Variants in USP50 observed in about 807,000 individuals in gnomAD.
The protein encoded by USP50 is ubiquitin carboxyl-terminal hydrolase 50.
A neutral mutation model predicts 39.2 loss-of-function variants in USP50; 37 were observed. The observed-to-expected ratio is 0.94, with a 90% CI of 0.73 to 1.24. The LOEUF (loss-of-function observed/expected upper bound fraction) is 1.24. Among genes scored for constraint, USP50 ranks in the 50% most tolerant of loss-of-function variants. USP50 has a pLI of 0.00. For missense variants in USP50, 374 were observed against 398.2 expected (o/e 0.94, Z 0.52); for synonymous variants, 139 against 144.5 (o/e 0.96, Z 0.27).
intron 5 of USP50, among the ~76,000 whole-genome samples, chr15:50,534,872 G>A (rs1173750867): frequency 6.6e-6 from 1 of 152,166 alleles, no homozygotes; most frequent in Admixed American, 6.5e-5. Flanking sequence ...TGGGTACCGT[G>A]GCTCATGCCT....
chr15:50,545,541 CTA>C (rs1196689253), intron 1 of USP50, among the ~76,000 whole-genome samples: 1 of 150,426 alleles, frequency 6.6e-6, no homozygotes, highest in African/African-American at 2.4e-5. Context: ...AAGATTGTCT[CTA>C]TATATGTGAT....
At chr15:50,501,273 A>C (rs2141337520) in intron 6 of USP50, 1 of 153,592 alleles carries the variant, frequency 6.5e-6, no homozygotes, top group East Asian at 1.9e-4. Flanking sequence ...CAGCCTGGGC[A>C]AAATAGCGAG....
intron 6 of USP50, among the ~76,000 whole-genome samples, chr15:50,525,670 G>A (rs11638641): frequency 1.1e-5 from 1 of 92,536 alleles, no homozygotes; most frequent in Non-Finnish European, 2.3e-5. Flanking sequence ...ATATGTATAT[G>A]TATATATGTA....
intron 6 of USP50, among the ~76,000 whole-genome samples, chr15:50,518,628 A>G (rs956372333): frequency 7.2e-6 from 1 of 138,666 alleles, no homozygotes; most frequent in Non-Finnish European, 1.6e-5. Flanking sequence ...CCAGACCCCC[A>G]TCTCTCACCA....
intron 2 of USP50, 94 bp from the exon 3 acceptor site, chr15:50,543,887 A>G (rs1391055209): frequency 7.9e-7 from 1 of 1,266,508 alleles, no homozygotes; most frequent in Non-Finnish European, 1.1e-6. Context: ...AAATGGAAGA[A>G]CGTGGTGTCT....
chr15:50,534,463 G>A (rs1374501250), intron 5 of USP50, among the ~76,000 whole-genome samples: 1 of 152,034 alleles, frequency 6.6e-6, no homozygotes, highest in Admixed American at 6.6e-5. Context: ...CCAAGAACAA[G>A]GGCAACAAAT....
At chr15:50,500,069 A>ATAGTC (rs1432526529), downstream of USP50, 4 of 152,304 alleles carry the variant, frequency 2.6e-5, no homozygotes, top group Non-Finnish European at 5.9e-5. Flanking sequence ...TGCTATATAT[A>ATAGTC]TAGTCAGTAA....
At chr15:50,498,606 G>A (rs979005566), downstream of USP50, 10 of 1,606,846 alleles carry the variant, frequency 6.2e-6, no homozygotes, top group South Asian at 2.2e-5. Flanking sequence ...TTTTTCCTAC[G>A]ATGGCAGGTG....
intron 1 of USP50, among the ~76,000 whole-genome samples, chr15:50,495,189 G>GATAT (rs147090227): frequency 6.8e-6 from 1 of 146,786 alleles, no homozygotes; most frequent in East Asian, 2.0e-4. Context: ...CCACTGAACA[G>GATAT]ATATATATAT....
At chr15:50,493,891 A>G, downstream of USP50, 1 of 799,472 alleles carries the variant, frequency 1.3e-6, no homozygotes, top group Non-Finnish European at 2.2e-6. Context: ...AGGAAGCTGA[A>G]GGGATGTAAG....
chr15:50,515,281 G>A lies in USP50; in HGVS notation c.937-14444C>T, dbSNP rs1330721869. On this transcript the variant is annotated intron_variant, in intron 6 of 6. Coordinates refer to ENST00000532404, the MANE Select transcript of USP50 (RefSeq NM_203494.5). ...TTTTGAGACGGAGTCTTGCTCTGTC[G>A]CCCAGGCTGGAGTGCAGTGGCGCGA... Among the ~76,000 whole-genome samples the A allele has an allele frequency of 5.3e-5, 8 of 152,016 alleles. No individual in the cohort carries two copies. The South Asian group carries it at 8.3e-4, about 16-fold the overall frequency.
rs1002210726 is a variant in USP50 at position 50,500,840 on chromosome 15, A to G, written c.937-3T>C. 8.9e-6 allele frequency: 14 copies of G among 1,575,808 alleles called. No individual in the cohort carries two copies. The highest frequency in any genetic ancestry group is 1.7e-4 in the Middle Eastern group (1 of 6,040). On this transcript the variant is annotated splice_region_variant and splice_polypyrimidine_tract_variant and intron_variant, in intron 6 of 6. Transcript: ENST00000532404. ...CCATCCAAATCACCAAAATGGTTCT[A>G]TGGGAGAAAGGAATGTCAAACTTAG...
chr15:50,538,898 A>G (rs1435115730), intron 4 of USP50, 47 bp from the exon 5 acceptor site: 11 of 1,558,022 alleles, frequency 7.1e-6, no homozygotes, highest in Non-Finnish European at 9.6e-6. Flanking sequence ...ATCAACTGCA[A>G]CCTGCACTCT....
At chr15:50,530,441 G>A (rs527882126) in intron 5 of USP50, among the ~76,000 whole-genome samples, 2 of 151,752 alleles carry the variant, frequency 1.3e-5, no homozygotes, top group South Asian at 2.1e-4. Flanking sequence ...AAAATTAGCC[G>A]GGCATGGTAG....
intron 6 of USP50, chr15:50,505,315 C>G (rs921444315): frequency 7.2e-5 from 11 of 152,160 alleles, no homozygotes. Flanking sequence ...CCACAAGAAT[C>G]TAACCTGCTG....
chr15:50,532,870 A>T (rs1451290046), intron 5 of USP50, among the ~76,000 whole-genome samples: 1 of 152,180 alleles, frequency 6.6e-6, no homozygotes, highest in East Asian at 1.9e-4. Flanking sequence ...TTTTCTTTTA[A>T]CTACTAGAGG....
chr15:50,543,854 C>T, intron 2 of USP50, 61 bp from the exon 3 acceptor site: 1 of 1,501,566 alleles, frequency 6.7e-7, no homozygotes, highest in Non-Finnish European at 9.1e-7. Context: ...ACCTAATCAC[C>T]CAAGCCTAGG....
intron 6 of USP50, among the ~76,000 whole-genome samples, chr15:50,516,725 A>G (rs939656918): frequency 7.1e-6 from 1 of 141,750 alleles, no homozygotes; most frequent in Non-Finnish European, 1.5e-5. Context: ...GTAAATGGAC[A>G]CTAAAAGAAA....
downstream of USP50, chr15:50,498,771 G>C (rs2052510172): frequency 6.4e-7 from 1 of 1,567,932 alleles, no homozygotes. Flanking sequence ...TTCAAAGCAA[G>C]TTTAAAAAAA....
Sources: allele counts gnomAD v4.1 joint callset (sites outside exome capture counted in the v4.1 genomes callset), GRCh38; gene constraint gnomAD v4.1.1; transcripts MANE v1.5; gene names NCBI Gene and HGNC (gene_info 2026-07-23, HGNC 2026-07-21).